Variants in EFCAB3 observed in about 807,000 individuals in gnomAD.
The protein encoded by EFCAB3 is EF-hand calcium-binding domain-containing protein 3.
In EFCAB3, 36 loss-of-function variants were observed where a neutral mutation model predicts 42.2. The ratio of observed to expected loss-of-function variants is 0.85; its 90% CI spans 0.65 to 1.13. EFCAB3 has a LOEUF of 1.13. Ranked by LOEUF, EFCAB3 falls within the 50% of genes most tolerant of loss-of-function variation. The pLI, the probability that EFCAB3 is intolerant of heterozygous loss-of-function variation, is 0.00. For synonymous variants in EFCAB3, 170 were observed against 172.8 expected, an observed-to-expected ratio of 0.98 and a Z score of 0.13; for missense variants, 418 against 505.1, an observed-to-expected ratio of 0.83 and a Z score of 1.65.
intron 2 of EFCAB3, among the ~76,000 whole-genome samples, chr17:62,374,354 G>A (rs558541283): frequency 2.6e-5 from 4 of 152,162 alleles, no homozygotes; most frequent in East Asian, 1.9e-4. Flanking sequence ...CCAGCTACTC[G>A]GGAGGCTGAG....
intron 6 of EFCAB3, among the ~76,000 whole-genome samples, chr17:62,396,281 G>A (rs1197340279): frequency 1.3e-5 from 2 of 152,102 alleles, no homozygotes; most frequent in Non-Finnish European, 2.9e-5. Context: ...TCAGCTGGGC[G>A]CGGTGGCTCA....
chr17:62,398,557 T>TAGA (rs1405783047), intron 6 of EFCAB3, among the ~76,000 whole-genome samples: 1 of 149,720 alleles, frequency 6.7e-6, no homozygotes, highest in African/African-American at 2.5e-5. Flanking sequence ...TCGTCTCAGC[T>TAGA]ACTTAAAGGG....
At chr17:62,414,962 G>A (rs2144120800) in intron 9 of EFCAB3, among the ~76,000 whole-genome samples, 1 of 152,032 alleles carries the variant, frequency 6.6e-6, no homozygotes, top group South Asian at 2.1e-4. Context: ...AAATTAGCTG[G>A]GCATGGTCGT....
intron 4 of EFCAB3, among the ~76,000 whole-genome samples, chr17:62,392,792 C>G (rs1390477693): frequency 6.6e-6 from 1 of 152,084 alleles, no homozygotes; most frequent in African/African-American, 2.4e-5. Context: ...CGCCCGCCAC[C>G]ATGCCCGGCT....
At chr17:62,376,301 C>T (rs1014022453), upstream of EFCAB3, among the ~76,000 whole-genome samples, 1 of 151,946 alleles carries the variant, frequency 6.6e-6, no homozygotes, top group East Asian at 1.9e-4. Flanking sequence ...AGTGAAACCC[C>T]GTCTCTACAA....
intron 1 of EFCAB3, chr17:62,370,376 T>G (rs1316025010): frequency 5.9e-6 from 9 of 1,533,596 alleles, no homozygotes; most frequent in Non-Finnish European, 8.0e-6. Flanking sequence ...ATTTTTGGGC[T>G]GGGCATGGTG....
intron 1 of EFCAB3, among the ~76,000 whole-genome samples, chr17:62,370,560 G>T (rs369717993): frequency 6.6e-6 from 1 of 152,034 alleles, no homozygotes; most frequent in East Asian, 1.9e-4. Flanking sequence ...GGAGGCTGAG[G>T]CAAGAGAATC....
chr17:62,384,436 G>A (rs928471633), intron 2 of EFCAB3, among the ~76,000 whole-genome samples: 1 of 152,056 alleles, frequency 6.6e-6, no homozygotes, highest in Non-Finnish European at 1.5e-5. Flanking sequence ...AGGAATTTGA[G>A]ACCAGCCTCT....
chr17:62,397,538 G>A, intron 6 of EFCAB3: 1 of 572,072 alleles, frequency 1.7e-6, no homozygotes, highest in Non-Finnish European at 3.4e-6. Context: ...CATGAGAGGT[G>A]CTTCTCATGC....
chr17:62,392,058 T>C, intron 4 of EFCAB3, 93 bp downstream of exon 4: 3 of 1,233,476 alleles, frequency 2.4e-6, no homozygotes, highest in Non-Finnish European at 3.2e-6. Context: ...GAGAAACAAA[T>C]CTTATTTACT....
intron 8 of EFCAB3, among the ~76,000 whole-genome samples, chr17:62,411,814 G>T (rs1366286301): frequency 1.5e-5 from 2 of 136,808 alleles, no homozygotes; most frequent in Admixed American, 7.4e-5. Context: ...GGGAGGGAGG[G>T]AGGGAGGGAG....
upstream of EFCAB3, chr17:62,378,060 C>T (rs182998101): frequency 6.8e-7 from 1 of 1,479,758 alleles, no homozygotes; most frequent in Non-Finnish European, 9.1e-7. Context: ...AAAGATGGGG[C>T]TTAATACTTT....
intron 1 of EFCAB3, among the ~76,000 whole-genome samples, chr17:62,381,168 G>T (rs2144056108): frequency 8.8e-6 from 1 of 113,252 alleles, no homozygotes; most frequent in South Asian, 2.8e-4. Flanking sequence ...CCCACAACAG[G>T]CCCCAGTGTG....
intron 8 of EFCAB3, among the ~76,000 whole-genome samples, chr17:62,412,765 CA>C (rs4058736): frequency 9.5e-4 from 133 of 140,186 alleles, no homozygotes; most frequent in Middle Eastern, 3.6e-3. Context: ...GACTCTGTCT[CA>C]AAAAAAAAAA....
chr17:62,400,813 C>T (rs878913910), intron 6 of EFCAB3, among the ~76,000 whole-genome samples: 5 of 152,138 alleles, frequency 3.3e-5, no homozygotes, highest in Non-Finnish European at 7.4e-5. Context: ...CACTGTCTTC[C>T]ACAATGGTTG....
chr17:62,382,712 A>G (rs140977584), intron 1 of EFCAB3, among the ~76,000 whole-genome samples: 23 of 152,310 alleles, frequency 1.5e-4, no homozygotes, highest in African/African-American at 5.1e-4. Context: ...TTATTCTTAC[A>G]TAGGATCAGA....
rs1308521496 is a variant in EFCAB3, at chr17:62,416,198, T to A, written c.1186T>A (p.Leu396Ile). 8 of 1,613,910 alleles carry A rather than the reference T, an allele frequency of 5.0e-6. No individual in the cohort carries two copies. The highest frequency in any genetic ancestry group is 5.9e-6 in the Non-Finnish European group (7 of 1,179,812). ...ATTACTTTCTCCTAAGGACTTAAGG[T>A]TATATGATGCCTATGTGAATAGAAA... Reference protein sequence around the residue: ...QELLSPKDLRLYDAYVNRNSS... With the variant: ...QELLSPKDLRIYDAYVNRNSS... The change falls in exon 10 of 10, where the codon TTA becomes ATA. Residue 396 changes from leucine to isoleucine, a missense_variant. Physicochemically the swap from Leu to Ile is conservative, Grantham distance 5. Transcript: ENST00000305286.
At chr17:62,398,585 C>T (rs1435605123) in intron 6 of EFCAB3, among the ~76,000 whole-genome samples, 2 of 151,396 alleles carry the variant, frequency 1.3e-5, no homozygotes, top group African/African-American at 4.9e-5. Context: ...AGGAGGATTG[C>T]TTGAGCCTGG....
intron 5 of EFCAB3, among the ~76,000 whole-genome samples, chr17:62,393,849 C>T (rs772069268): frequency 1.1e-4 from 16 of 152,198 alleles, no homozygotes; most frequent in Non-Finnish European, 2.2e-4. Flanking sequence ...TTGCACTGTC[C>T]AAACACCTAC....
Sources: allele counts gnomAD v4.1 joint callset (sites outside exome capture counted in the v4.1 genomes callset), GRCh38; gene constraint gnomAD v4.1.1; transcripts MANE v1.5; gene names NCBI Gene and HGNC (gene_info 2026-07-23, HGNC 2026-07-21).